The following PATJ variants were observed in gnomAD, a reference collection of about 807,000 sequenced individuals.
PATJ encodes PATJ crumbs cell polarity complex component.
A neutral mutation model predicts 224.9 loss-of-function variants in PATJ; 190 were observed. The observed-to-expected ratio is 0.84, with a 90% CI of 0.75 to 0.95. PATJ has a LOEUF of 0.95. Ranked by LOEUF, PATJ falls within the 40% of genes least tolerant of loss-of-function variation. The pLI is 0.00. For synonymous variants in PATJ, 769 were observed against 820.3 expected, an observed-to-expected ratio of 0.94 and a Z score of 1.07; for missense variants, 2,121 against 2,270.3, an observed-to-expected ratio of 0.93 and a Z score of 1.34.
intron 29 of PATJ, among the ~76,000 whole-genome samples, chr1:62,026,979 A>G (rs1197091051): frequency 1.3e-5 from 2 of 152,186 alleles, no homozygotes; most frequent in Non-Finnish European, 2.9e-5. Flanking sequence ...CATATAACAC[A>G]AAAGGTACCA....
At chr1:61,940,517 C>A (rs1677651081) in intron 27 of PATJ, among the ~76,000 whole-genome samples, 1 of 151,966 alleles carries the variant, frequency 6.6e-6, no homozygotes, top group South Asian at 2.1e-4. Context: ...GAGATTGAGA[C>A]CATCCTGGTC....
chr1:61,960,066 T>G (rs1471815929), intron 27 of PATJ, among the ~76,000 whole-genome samples: 1 of 152,148 alleles, frequency 6.6e-6, no homozygotes, highest in Non-Finnish European at 1.5e-5. Context: ...ATGGTTATAT[T>G]CAATATCAAT....
At chr1:61,862,931 T>G (rs1259464089) in intron 19 of PATJ, among the ~76,000 whole-genome samples, 3 of 151,684 alleles carry the variant, frequency 2.0e-5, no homozygotes, top group Non-Finnish European at 4.4e-5. Flanking sequence ...TATTTTTTAG[T>G]GCCGACATTT....
At chr1:62,109,077 T>C (rs1663485085) in intron 34 of PATJ, among the ~76,000 whole-genome samples, 1 of 152,200 alleles carries the variant, frequency 6.6e-6, no homozygotes, top group Admixed American at 6.5e-5. Context: ...TTAGCAAAGT[T>C]GTTAAAGCCT....
In PATJ at chr1:61,811,895, A is replaced by G. The variant is rs569909740; in HGVS notation, c.1683+3365A>G. Among the ~76,000 whole-genome samples, 54 of 151,450 alleles carry G rather than the reference A, an allele frequency of 3.6e-4. 1 individual carries two copies. Among genetic ancestry groups the G allele is most frequent in the African/African-American group, 1.3e-3 (53 of 41,290 alleles). On this transcript the variant is annotated intron_variant, in intron 14 of 43. Transcript: ENST00000642238. Reference sequence around the variant, plus strand: ...GCTAACACAGTGAAACCCCATCTCTACTAAAAATACAAAAAATTAGCCGGG... The same window carrying G: ...GCTAACACAGTGAAACCCCATCTCTGCTAAAAATACAAAAAATTAGCCGGG...
chr1:61,881,407 A>ATT (rs34051620), intron 21 of PATJ, among the ~76,000 whole-genome samples: 1 of 110,090 alleles, frequency 9.1e-6, no homozygotes, highest in African/African-American at 3.5e-5. Context: ...TAAAACAGTT[A>ATT]TTTTTTTTTT....
intron 14 of PATJ, 119 bp downstream of exon 14, chr1:61,808,649 C>A: frequency 1.6e-6 from 1 of 614,408 alleles, no homozygotes. Flanking sequence ...TGTTTCCCTC[C>A]CAAAGTGTTA....
At chr1:61,957,710 C>T (rs1267769519) in intron 27 of PATJ, among the ~76,000 whole-genome samples, 3 of 152,128 alleles carry the variant, frequency 2.0e-5, no homozygotes, top group Non-Finnish European at 2.9e-5. Flanking sequence ...TTTCAAACTA[C>T]AAAAAACCAG....
intron 27 of PATJ, among the ~76,000 whole-genome samples, chr1:61,967,660 TGAGATGATTTATTTAAA>T (rs1203963200): frequency 1.3e-5 from 2 of 152,330 alleles, no homozygotes; most frequent in African/African-American, 2.4e-5. Flanking sequence ...CAGTATTAAA[TGAGATGATTTATTTAAA>T]GGTAACCGTC....
intron 20 of PATJ, among the ~76,000 whole-genome samples, chr1:61,864,908 T>A (rs1665164009): frequency 6.6e-6 from 1 of 152,140 alleles, no homozygotes; most frequent in Admixed American, 6.5e-5. Flanking sequence ...TTCCAATTTC[T>A]CATTTCAGAG....
chr1:61,766,569 A>G (rs1646284191), intron 4 of PATJ, 96 bp downstream of exon 4: 1 of 785,730 alleles, frequency 1.3e-6, no homozygotes, highest in African/African-American at 1.8e-5. Context: ...TGTAAAATGT[A>G]TTAGTATGTA....
chr1:62,149,036 G>A (rs2149032078), intron 42 of PATJ, among the ~76,000 whole-genome samples: 1 of 151,140 alleles, frequency 6.6e-6, no homozygotes, highest in South Asian at 2.1e-4. Context: ...GCTGAGGCAG[G>A]AGAATTGCTT....
At chr1:61,762,078 G>T (rs1400190830) in intron 1 of PATJ, among the ~76,000 whole-genome samples, 1 of 152,134 alleles carries the variant, frequency 6.6e-6, no homozygotes, top group Non-Finnish European at 1.5e-5. Flanking sequence ...TTCAGGGGAA[G>T]TCTTTTTTGC....
At chr1:62,139,212 C>T (rs1211565337) in intron 41 of PATJ, among the ~76,000 whole-genome samples, 1 of 151,874 alleles carries the variant, frequency 6.6e-6, no homozygotes, top group Non-Finnish European at 1.5e-5. Context: ...ACCAGCCTGG[C>T]CAAGATGGTG....
rs894494030 is a variant in PATJ at position 61,822,961 on chromosome 1, C to T, written c.1700C>T (p.Thr567Ile). Residue 567 changes from threonine (T) to isoleucine (I), a missense_variant, in exon 15 of 44, where the codon ACT (threonine) becomes ATT (isoleucine). Thr to Ile is a moderately conservative substitution (Grantham distance 89, BLOSUM62 -1). Coordinates refer to ENST00000642238, the MANE Select transcript of PATJ (RefSeq NM_001350145.3). Reference protein sequence around the residue: ...QKYSKLLPIHTLRLGVEVDSF... With the variant: ...QKYSKLLPIHILRLGVEVDSF... The stretch of plus-strand genomic sequence containing the variant: ...TTGCTACAGCTGCTGCCTATTCACA[C>T]TCTGAGGCTTGGTGTGGAAGTGGAT... 1.9e-6 allele frequency: 3 copies of T among 1,614,014 alleles called. No homozygotes were observed. Among genetic ancestry groups the T allele is most frequent in the African/African-American group, 2.7e-5 (2 of 74,916 alleles).
At chr1:62,017,655 C>T (rs1350145710) in intron 28 of PATJ, among the ~76,000 whole-genome samples, 2 of 147,980 alleles carry the variant, frequency 1.4e-5, no homozygotes, top group East Asian at 2.0e-4. Flanking sequence ...TCACTTGAAC[C>T]GAGAAGGCGG....
chr1:61,792,903 C>A (rs1650197714), intron 9 of PATJ, among the ~76,000 whole-genome samples: 1 of 152,122 alleles, frequency 6.6e-6, no homozygotes, highest in East Asian at 1.9e-4. Flanking sequence ...TAAATCCAAA[C>A]ACAACTCAAC....
chr1:61,875,828 T>C (rs1399847740), intron 21 of PATJ, among the ~76,000 whole-genome samples: 3 of 152,172 alleles, frequency 2.0e-5, no homozygotes, highest in African/African-American at 4.8e-5. Context: ...AATAACTTAG[T>C]TTCCATTAAA....
intron 27 of PATJ, among the ~76,000 whole-genome samples, chr1:61,928,578 A>T (rs1675567887): frequency 6.6e-6 from 1 of 152,118 alleles, no homozygotes; most frequent in South Asian, 2.1e-4. Context: ...ATTGAGTCAA[A>T]ATTCTTACTC....
Sources: allele counts gnomAD v4.1 joint callset (sites outside exome capture counted in the v4.1 genomes callset), GRCh38; gene constraint gnomAD v4.1.1; transcripts MANE v1.5; gene names NCBI Gene and HGNC (gene_info 2026-07-23, HGNC 2026-07-21).